Variants in PPP3CC observed in about 807,000 individuals in gnomAD.
PPP3CC encodes the protein protein phosphatase 3 catalytic subunit gamma, also known as serine/threonine-protein phosphatase 2B catalytic subunit gamma isoform.
PPP3CC carries 35 observed loss-of-function variants against 60.3 expected under a neutral mutation model. The observed-to-expected ratio is 0.58, with a 90% CI of 0.44 to 0.77. The LOEUF (loss-of-function observed/expected upper bound fraction) is 0.77, where lower values mean the gene tolerates loss of function less well. Among genes scored for constraint, PPP3CC ranks in the 30% least tolerant of loss-of-function variants. The pLI is 0.00. For missense variants in PPP3CC, 570 were observed against 628.9 expected, an observed-to-expected ratio of 0.91 and a Z score of 1.00; for synonymous variants, 206 against 224.3, an observed-to-expected ratio of 0.92 and a Z score of 0.73.
At chr8:22,466,477 C>T (rs1249391617) in intron 1 of PPP3CC, among the ~76,000 whole-genome samples, 1 of 152,204 alleles carries the variant, frequency 6.6e-6, no homozygotes, top group African/African-American at 2.4e-5. Context: ...CACATCCTCT[C>T]CAGCATCTGT....
rs1157574584 is a variant in PPP3CC, at chr8:22,535,504, CT to C, written c.1321+2495del. ...CGTTCATCTGGCCTTTTTTCTTTTT[CT>C]TTTTTTTTCCCAAGAGACAGAGTTG... On this transcript the variant is annotated intron_variant, in intron 12 of 13. Transcript: ENST00000240139. 4.0e-5 allele frequency among the ~76,000 whole-genome samples: 6 copies of C among 149,790 alleles called. No individual in the cohort carries two copies. The South Asian group carries it at 1.1e-3, about 26-fold the overall frequency.
At chr8:22,492,939 C>T in intron 3 of PPP3CC, 7 of 1,248,702 alleles carry the variant, frequency 5.6e-6, no homozygotes, top group Non-Finnish European at 8.2e-6. Flanking sequence ...GCTTGGTGCA[C>T]ACTGTCTGAC....
intron 1 of PPP3CC, among the ~76,000 whole-genome samples, chr8:22,443,845 A>T (rs539347768): frequency 6.6e-6 from 1 of 152,312 alleles, no homozygotes; most frequent in African/African-American, 2.4e-5. Context: ...TCACGTGTGC[A>T]TAGCTAAGGT....
Position 22,475,025 on chromosome 8 carries a change from G to T in PPP3CC, c.121G>T (p.Val41Phe). 6.2e-7 allele frequency: 1 copy of T among 1,612,916 alleles called. No homozygotes were observed. Among genetic ancestry groups the T allele is most frequent in the Non-Finnish European group, 8.5e-7 (1 of 1,179,270 alleles). ...VFENGKPKVD[V>F]LKNHLVKEGR... ...TGAGAATGGGAAACCTAAAGTTGAT[G>T]TTTTAAAAAACCATTTGGTAAAGGA... Residue 41 changes from valine to phenylalanine, a missense_variant, in exon 2 of 14, where the codon GTT becomes TTT. Val to Phe is a conservative substitution (Grantham distance 50, BLOSUM62 -1). Coordinates refer to ENST00000240139, the MANE Select transcript of PPP3CC (RefSeq NM_005605.5).
intron 1 of PPP3CC, among the ~76,000 whole-genome samples, chr8:22,466,415 G>A (rs1397257628): frequency 6.6e-6 from 1 of 152,196 alleles, no homozygotes; most frequent in African/African-American, 2.4e-5. Context: ...TCACCACACT[G>A]TCTTCCACAG....
At chr8:22,467,094 G>A (rs1486435760) in intron 1 of PPP3CC, among the ~76,000 whole-genome samples, 2 of 151,930 alleles carry the variant, frequency 1.3e-5, no homozygotes, top group East Asian at 3.9e-4. Flanking sequence ...CATTGTAAGG[G>A]CAAAATATTT....
chr8:22,523,678 T>G lies in PPP3CC; in HGVS notation c.943+929T>G, dbSNP rs1355868698. ...ACATTCTTTTGATTATCCTCAATGA[T>G]GGGAAATCTTCGTCCTTTGAGGGTG... On this transcript the variant is annotated intron_variant, in intron 8 of 13. Coordinates refer to ENST00000240139, the MANE Select transcript of PPP3CC (RefSeq NM_005605.5). The G allele has an allele frequency of 8.8e-6, 4 of 454,704 alleles. 1 individual carries two copies. The highest frequency in any genetic ancestry group is 6.2e-5 in the South Asian group (4 of 64,154). The allele number at this position is 454,704 out of a possible 1,614,324, so 28.2% of individuals were successfully genotyped here.
intron 8 of PPP3CC, 80 bp from the exon 9 acceptor site, chr8:22,527,312 A>G (rs1275287460): frequency 2.1e-6 from 3 of 1,439,272 alleles, no homozygotes; most frequent in Non-Finnish European, 2.9e-6. Flanking sequence ...TCTGTGTAGC[A>G]GGTACACAGC....
At chr8:22,452,979 C>T (rs561093411) in intron 1 of PPP3CC, among the ~76,000 whole-genome samples, 2 of 152,320 alleles carry the variant, frequency 1.3e-5, no homozygotes, top group Non-Finnish European at 2.9e-5. Context: ...GCTTAACACA[C>T]GCTTAGGTGC....
intron 5 of PPP3CC, among the ~76,000 whole-genome samples, chr8:22,512,802 C>T (rs915196404): frequency 1.5e-4 from 23 of 152,196 alleles, no homozygotes; most frequent in African/African-American, 5.1e-4. Context: ...GCAGACCGGG[C>T]GCGGTGGTTC....
Position 22,441,260 on chromosome 8 carries a change from T to C in PPP3CC, c.-150T>C. On this transcript the variant is annotated 5_prime_UTR_variant, in exon 1 of 14. Transcript: ENST00000240139. ...GGCCGGCGCTGCGGTGGCCGCGCCCTTCTGGTGCTCGGACACCGCTGAGGA... is the reference window on the plus strand; with the variant it reads ...GGCCGGCGCTGCGGTGGCCGCGCCCCTCTGGTGCTCGGACACCGCTGAGGA... The C allele has an allele frequency of 1.5e-6, 1 of 667,600 alleles. No homozygotes were observed. The highest frequency in any genetic ancestry group is 2.5e-5 in the South Asian group (1 of 39,442). The allele number at this position is 667,600 out of a possible 1,614,324, so 41.4% of individuals were successfully genotyped here.
At chr8:22,505,467 T>C (rs770624984) in intron 4 of PPP3CC, among the ~76,000 whole-genome samples, 4 of 152,210 alleles carry the variant, frequency 2.6e-5, no homozygotes, top group Non-Finnish European at 4.4e-5. Context: ...CATTGCTCAT[T>C]GCAGCATTTT....
intron 4 of PPP3CC, 76 bp from the exon 5 acceptor site, chr8:22,511,010 A>T (rs1473986454): frequency 7.5e-5 from 93 of 1,233,174 alleles, no homozygotes; most frequent in Non-Finnish European, 9.8e-5. Context: ...GTAGCTTCAT[A>T]TTCTCCTGGC....
intron 12 of PPP3CC, among the ~76,000 whole-genome samples, chr8:22,536,367 C>T (rs1193308583): frequency 1.3e-5 from 2 of 152,224 alleles, no homozygotes; most frequent in Non-Finnish European, 2.9e-5. Context: ...TGTCCTATAG[C>T]ATCCTTAGGT....
Position 22,532,887 on chromosome 8 carries a change from G to A in PPP3CC, c.1224-34G>A, listed in dbSNP as rs1202676437. 7 of 1,440,782 alleles carry A rather than the reference G, an allele frequency of 4.9e-6. 1 individual carries two copies. The highest frequency in any genetic ancestry group is 4.4e-5 in the African/African-American group (3 of 68,880). 89.2% of individuals were successfully genotyped at this position (1,440,782 alleles called of 1,614,324 possible). On this transcript the variant is annotated intron_variant, in intron 11 of 13. Transcript: ENST00000240139. The stretch of plus-strand genomic sequence containing the variant: ...TTAAGTTGCTGAATGGAGAGTTCTC[G>A]GGCATTAACCCAGGGTTTGGTCTCC...
At chr8:22,505,802 GGAGGCTAGAAGATAA>G (rs1360223429) in intron 4 of PPP3CC, among the ~76,000 whole-genome samples, 1 of 152,136 alleles carries the variant, frequency 6.6e-6, no homozygotes, top group Non-Finnish European at 1.5e-5. Context: ...AATGATGTGA[GGAGGCTAGAAGATAA>G]GAGTTATTTG....
At chr8:22,458,597 CA>C (rs1234863364) in intron 1 of PPP3CC, among the ~76,000 whole-genome samples, 2 of 143,010 alleles carry the variant, frequency 1.4e-5, no homozygotes, top group Non-Finnish European at 3.1e-5. Context: ...GACACCGTCT[CA>C]AAAAAAATAA....
rs1376577299 is a variant in PPP3CC, at chr8:22,511,196, T to C, written c.595T>C (p.Ser199Pro). Residue 199 changes from serine to proline, a missense_variant, in exon 5 of 14, where the codon TCA (serine) becomes CCA (proline). Coordinates refer to ENST00000240139, the MANE Select transcript of PPP3CC (RefSeq NM_005605.5). Reference sequence around the variant, plus strand: ...GTTTCTCTGTGTACATGGAGGAATGTCACCTGAAATTACTTCTTTAGATGA... The same window carrying C: ...GTTTCTCTGTGTACATGGAGGAATGCCACCTGAAATTACTTCTTTAGATGA... Reference protein sequence around the residue: ...QQFLCVHGGMSPEITSLDDIR... With the variant: ...QQFLCVHGGMPPEITSLDDIR... 1 of 1,613,600 alleles carries C rather than the reference T, an allele frequency of 6.2e-7. No individual in the cohort carries two copies. Among genetic ancestry groups the C allele is most frequent in the Non-Finnish European group, 8.5e-7 (1 of 1,179,476 alleles).
intron 4 of PPP3CC, among the ~76,000 whole-genome samples, chr8:22,505,058 G>T (rs1451729485): frequency 8.1e-5 from 10 of 122,718 alleles, no homozygotes; most frequent in Admixed American, 2.1e-4. Flanking sequence ...AGGGAGTCTC[G>T]CTTCGTCACC....
Sources: allele counts gnomAD v4.1 joint callset (sites outside exome capture counted in the v4.1 genomes callset), GRCh38; gene constraint gnomAD v4.1.1; transcripts MANE v1.5; gene names NCBI Gene and HGNC (gene_info 2026-07-23, HGNC 2026-07-21).